SCYL2: variants seen among roughly 807,000 people sequenced by gnomAD.
SCYL2 encodes the protein SCY1-like protein 2.
In SCYL2, 36 loss-of-function variants were observed where a neutral mutation model predicts 100.4. The ratio of observed to expected loss-of-function variants is 0.36; its 90% CI spans 0.27 to 0.47. The LOEUF (loss-of-function observed/expected upper bound fraction) is 0.47, where lower values mean the gene tolerates loss of function less well. SCYL2 is among the 20% of genes least tolerant of loss of function. SCYL2 has a pLI of 1.00. For synonymous variants in SCYL2, 330 were observed against 359.2 expected, an observed-to-expected ratio of 0.92 and a Z score of 0.92; for missense variants, 902 against 1,083.9, an observed-to-expected ratio of 0.83 and a Z score of 2.36.
In SCYL2 at chr12:100,338,632, T is replaced by G; in HGVS notation, c.2250T>G (p.Pro750=). Residue 750 remains proline (P), a synonymous_variant, in exon 18 of 18, where the codon CCT becomes CCG. Coordinates refer to ENST00000360820, the MANE Select transcript of SCYL2 (RefSeq NM_017988.6). ...SSASSTFTSV[P]SMGIGMMFST... The stretch of plus-strand genomic sequence containing the variant: ...CTTCAAGTACTTTCACTTCTGTTCC[T>G]TCCATGGGCATTGGTATGATGTTTT... The G allele has an allele frequency of 1.2e-6, 2 of 1,614,086 alleles. No homozygotes were observed. Among genetic ancestry groups the G allele is most frequent in the Non-Finnish European group, 1.7e-6 (2 of 1,179,958 alleles).
chr12:100,305,042 C>T (rs761949578), intron 4 of SCYL2, among the ~76,000 whole-genome samples: 13 of 152,138 alleles, frequency 8.5e-5, no homozygotes, highest in Non-Finnish European at 1.3e-4. Context: ...TAGACTCCCA[C>T]GCAATAATAG....
intron 1 of SCYL2, among the ~76,000 whole-genome samples, chr12:100,282,725 T>C (rs780993904): frequency 2.0e-5 from 3 of 152,318 alleles, no homozygotes; most frequent in Non-Finnish European, 4.4e-5. Flanking sequence ...TCCTGGTCAG[T>C]GAGAACTGAG....
chr12:100,337,359 T>C, intron 16 of SCYL2, 28 bp from the exon 17 acceptor site: 1 of 1,599,034 alleles, frequency 6.3e-7, no homozygotes, highest in South Asian at 1.1e-5. Flanking sequence ...AAATTGCCGG[T>C]TGATTTTTTG....
intron 12 of SCYL2, 61 bp downstream of exon 12, chr12:100,326,815 A>G (rs931379158): frequency 1.4e-6 from 2 of 1,438,698 alleles, no homozygotes; most frequent in Non-Finnish European, 1.9e-6. Context: ...TTTCCAATCT[A>G]TAAAACAATT....
At chr12:100,305,282 A>G (rs1233858935) in intron 4 of SCYL2, among the ~76,000 whole-genome samples, 1 of 152,248 alleles carries the variant, frequency 6.6e-6, no homozygotes. Flanking sequence ...AATGCAAAAG[A>G]ATGGAAATCC....
chr12:100,284,922 A>G (rs2096302846), intron 2 of SCYL2, among the ~76,000 whole-genome samples: 1 of 152,192 alleles, frequency 6.6e-6, no homozygotes, highest in Non-Finnish European at 1.5e-5. Context: ...CTGTAGTCTC[A>G]GCACTTTGGA....
At chr12:100,330,365 T>C (rs568547602) in intron 13 of SCYL2, among the ~76,000 whole-genome samples, 3 of 152,346 alleles carry the variant, frequency 2.0e-5, no homozygotes, top group African/African-American at 7.2e-5. Context: ...CCTCTATCGC[T>C]GTTTGTCACA....
chr12:100,311,639 A>T (rs1402084026), intron 5 of SCYL2, among the ~76,000 whole-genome samples: 2 of 152,218 alleles, frequency 1.3e-5, no homozygotes, highest in African/African-American at 4.8e-5. Context: ...GGAATAATAC[A>T]GATAAGTTAA....
intron 16 of SCYL2, 42 bp downstream of exon 16, chr12:100,335,948 T>C: frequency 7.0e-7 from 1 of 1,438,606 alleles, no homozygotes; most frequent in Middle Eastern, 1.8e-4. Context: ...TATTTTATGC[T>C]GTAGGACTTC....
Position 100,315,550 on chromosome 12 carries a change from C to T in SCYL2, c.1096-8C>T. The T allele has an allele frequency of 6.4e-7, 1 of 1,557,760 alleles. No individual in the cohort carries two copies. The highest frequency in any genetic ancestry group is 8.6e-7 in the Non-Finnish European group (1 of 1,156,312). ...ATTTTTTTTTTAAAAAACATTTTTG[C>T]CTTTCAGCGTGTCATTGTGCAGAGA... On this transcript the variant is annotated splice_region_variant and splice_polypyrimidine_tract_variant and intron_variant, in intron 8 of 17. Coordinates refer to ENST00000360820, the MANE Select transcript of SCYL2 (RefSeq NM_017988.6).
chr12:100,327,900 A>T (rs1372040033), intron 12 of SCYL2, among the ~76,000 whole-genome samples: 1 of 152,144 alleles, frequency 6.6e-6, no homozygotes, highest in African/African-American at 2.4e-5. Flanking sequence ...ATTTGTGGGA[A>T]TGGTTAGCAA....
chr12:100,335,647 A>G lies in SCYL2; in HGVS notation c.1885A>G (p.Met629Val). The G allele has an allele frequency of 1.9e-6, 3 of 1,608,632 alleles. No individual in the cohort carries two copies. The highest frequency in any genetic ancestry group is 2.5e-6 in the Non-Finnish European group (3 of 1,176,578). ...QQKSLDIGNQ[M>V]NVSEEMKVTN... ...CAGATCTTTGGATATAGGAAATCAA[A>G]TGAATGTTTCTGAGGAGATGAAAGT... is the stretch of plus-strand genomic sequence containing the variant. Residue 629 changes from methionine to valine, a missense_variant, in exon 15 of 18, where the codon ATG (methionine) becomes GTG (valine). Coordinates refer to ENST00000360820, the MANE Select transcript of SCYL2 (RefSeq NM_017988.6).
At chr12:100,313,353 T>A (rs1183037819) in intron 6 of SCYL2, 69 bp from the exon 7 acceptor site, 1 of 654,248 alleles carries the variant, frequency 1.5e-6, no homozygotes, top group Non-Finnish European at 2.6e-6. Context: ...AATTTTTAAA[T>A]GTTTTCTTAA....
Position 100,283,138 on chromosome 12 carries a change from A to G in SCYL2, c.168A>G (p.Ser56=), listed in dbSNP as rs745896299. 3.1e-6 allele frequency: 5 copies of G among 1,605,038 alleles called. No homozygotes were observed. The South Asian group carries it at 5.6e-5, about 18-fold the overall frequency. ...AGATTTTTAATGGCACAAAAAAGTCAACAAAGCAGGTGAGTTTTAATTCAG... is the reference window on the plus strand; with the variant it reads ...AGATTTTTAATGGCACAAAAAAGTCGACAAAGCAGGTGAGTTTTAATTCAG... ...AWKIFNGTKK[S]TKQEVAVFVF... The change falls in exon 2 of 18, where the codon TCA becomes TCG. Residue 56 remains serine (S), a synonymous_variant. Coordinates refer to ENST00000360820, the MANE Select transcript of SCYL2 (RefSeq NM_017988.6).
chr12:100,310,935 C>T lies in SCYL2; in HGVS notation c.481-109C>T, dbSNP rs973487586. On this transcript the variant is annotated intron_variant, in intron 4 of 17. Coordinates refer to ENST00000360820, the MANE Select transcript of SCYL2 (RefSeq NM_017988.6). ...GATGAAATTTGATTTTTAGCTGACA[C>T]GCAAAACTTTTATTGTGAAGAGTAG... is the stretch of plus-strand genomic sequence containing the variant. 2.9e-5 allele frequency: 31 copies of T among 1,086,136 alleles called. No individual in the cohort carries two copies. In the East Asian group the frequency reaches 5.7e-4, roughly 20 times the overall value. The allele number at this position is 1,086,136 out of a possible 1,614,324, so 67.3% of individuals were successfully genotyped here.
At chr12:100,303,974 G>T (rs1307911877) in intron 4 of SCYL2, among the ~76,000 whole-genome samples, 3 of 152,216 alleles carry the variant, frequency 2.0e-5, no homozygotes, top group Non-Finnish European at 4.4e-5. Context: ...GAGGAATCTA[G>T]AGAGCTAGTC....
chr12:100,313,899 T>A (rs1247851235), intron 7 of SCYL2, among the ~76,000 whole-genome samples: 3 of 151,086 alleles, frequency 2.0e-5, no homozygotes, highest in African/African-American at 7.3e-5. Context: ...TTTTTTTTTT[T>A]AGACAGAGTT....
chr12:100,308,188 C>G (rs550187481), intron 4 of SCYL2, among the ~76,000 whole-genome samples: 1 of 152,114 alleles, frequency 6.6e-6, no homozygotes, highest in South Asian at 2.1e-4. Context: ...CACATGCACA[C>G]GTATGTTTAT....
rs986394701 is a variant in SCYL2, at chr12:100,341,012, T to C, written c.*1840T>C. 1 of 152,104 alleles carries C rather than the reference T, an allele frequency of 6.6e-6. No homozygotes were observed. The highest frequency in any genetic ancestry group is 1.5e-5 in the Non-Finnish European group (1 of 67,936). The allele number at this position is 152,104 out of a possible 1,614,324, so 9.4% of individuals were successfully genotyped here. A position where few individuals can be genotyped will look rare whatever the true frequency, so the allele number is the denominator to read the frequency against. ...TTTATTTTGTAAAATAACATGATGT[T>C]AGTGTTGAACTCTTAAACAGAAAGA... On this transcript the variant is annotated 3_prime_UTR_variant, in exon 18 of 18. Coordinates refer to ENST00000360820, the MANE Select transcript of SCYL2 (RefSeq NM_017988.6).
Sources: gnomAD v4.1 joint callset for allele counts (sites outside exome capture counted in the v4.1 genomes callset) on GRCh38, gnomAD v4.1.1 for gene constraint, MANE v1.5 for transcripts, NCBI Gene and HGNC (gene_info 2026-07-23, HGNC 2026-07-21) for gene names.